UBXN2B: variants seen among roughly 807,000 people sequenced by gnomAD.
UBXN2B encodes UBX domain protein 2B.
A neutral mutation model predicts 37.5 loss-of-function variants in UBXN2B; 19 were observed. That is an observed-to-expected ratio of 0.51 (90% confidence interval 0.35 to 0.74). The LOEUF (loss-of-function observed/expected upper bound fraction) is 0.74. UBXN2B is among the 30% of genes least tolerant of loss of function. The pLI, the probability that UBXN2B is intolerant of heterozygous loss-of-function variation, is 0.01. For missense variants in UBXN2B, 370 were observed against 393.2 expected (o/e 0.94, Z 0.50); for synonymous variants, 145 against 143.8 (o/e 1.01, Z -0.06).
intron 6 of UBXN2B, 40 bp downstream of exon 6, chr8:58,439,810 T>C (rs1403926499): frequency 6.4e-7 from 1 of 1,558,340 alleles, no homozygotes; most frequent in African/African-American, 1.4e-5. Context: ...TTGTTGAACA[T>C]GAATTTTTCT....
At chr8:58,441,355 A>ATATATATATATATGTATGTGTATG (rs1808542334) in intron 6 of UBXN2B, among the ~76,000 whole-genome samples, 3 of 145,828 alleles carry the variant, frequency 2.1e-5, no homozygotes, top group Non-Finnish European at 4.5e-5. Context: ...CAACATATAT[A>ATATATATATATATGTATGTGTATG]TATATATATA....
At chr8:58,423,270 C>T (rs767630585) in intron 2 of UBXN2B, among the ~76,000 whole-genome samples, 5 of 152,100 alleles carry the variant, frequency 3.3e-5, no homozygotes, top group East Asian at 1.9e-4. Flanking sequence ...AGAGACTACA[C>T]GAAGAAGGAG....
chr8:58,426,263 G>A (rs1368919314), intron 2 of UBXN2B: 24 of 516,516 alleles, frequency 4.6e-5, no homozygotes, highest in Non-Finnish European at 8.0e-5. Flanking sequence ...CTGGAGTGCA[G>A]TGGCATGATC....
intron 3 of UBXN2B, 73 bp downstream of exon 3, chr8:58,430,742 A>T: frequency 8.5e-7 from 1 of 1,181,224 alleles, no homozygotes; most frequent in Non-Finnish European, 1.1e-6. Flanking sequence ...TATTATTTGC[A>T]AACATTGTTT....
chr8:58,426,905 C>G (rs1179727390), intron 2 of UBXN2B, among the ~76,000 whole-genome samples: 1 of 152,010 alleles, frequency 6.6e-6, no homozygotes, highest in East Asian at 1.9e-4. Flanking sequence ...TTTTTTTTCT[C>G]TGTCTTCTAA....
chr8:58,431,969 G>A (rs890679114), intron 3 of UBXN2B, among the ~76,000 whole-genome samples: 1 of 151,964 alleles, frequency 6.6e-6, no homozygotes, highest in African/African-American at 2.4e-5. Context: ...AGAATTCTTT[G>A]TATATTTTAA....
intron 1 of UBXN2B, among the ~76,000 whole-genome samples, 192 bp from the exon 2 acceptor site, chr8:58,416,658 T>G (rs1807790393): frequency 2.0e-5 from 3 of 152,216 alleles, no homozygotes; most frequent in Admixed American, 2.0e-4. Flanking sequence ...CTAATAGATG[T>G]GGCATTTTGG....
intron 6 of UBXN2B, among the ~76,000 whole-genome samples, chr8:58,442,722 G>A (rs1304765208): frequency 6.6e-6 from 1 of 152,218 alleles, no homozygotes; most frequent in Non-Finnish European, 1.5e-5. Flanking sequence ...CTAGAGTAGT[G>A]CCTAACAAAA....
At chr8:58,443,088 C>T (rs540242429) in intron 6 of UBXN2B, among the ~76,000 whole-genome samples, 1 of 152,320 alleles carries the variant, frequency 6.6e-6, no homozygotes, top group Admixed American at 6.5e-5. Flanking sequence ...GCAGGCAGTG[C>T]TGTGCCTCGC....
intron 5 of UBXN2B, among the ~76,000 whole-genome samples, chr8:58,438,553 G>A (rs973314319): frequency 6.6e-6 from 1 of 152,242 alleles, no homozygotes; most frequent in African/African-American, 2.4e-5. Flanking sequence ...TCAGACTTCT[G>A]TGGGGCCTGT....
chr8:58,418,821 A>G (rs562953392), intron 2 of UBXN2B, among the ~76,000 whole-genome samples: 1 of 152,236 alleles, frequency 6.6e-6, no homozygotes, highest in South Asian at 2.1e-4. Context: ...TTTAATTTGT[A>G]TATTCTCCCA....
chr8:58,412,564 G>A (rs905688845), intron 1 of UBXN2B, among the ~76,000 whole-genome samples: 8 of 152,220 alleles, frequency 5.3e-5, no homozygotes, highest in Non-Finnish European at 1.2e-4. Flanking sequence ...AATAGTTCCA[G>A]CTCCCATAGT....
intron 6 of UBXN2B, among the ~76,000 whole-genome samples, chr8:58,443,558 C>T (rs1347117583): frequency 2.7e-5 from 4 of 150,398 alleles, no homozygotes; most frequent in East Asian, 1.9e-4. Context: ...TTTGGGAGGC[C>T]GAGGCAGGCA....
intron 2 of UBXN2B, chr8:58,425,256 A>C: frequency 8.9e-7 from 1 of 1,120,768 alleles, no homozygotes; most frequent in Admixed American, 1.7e-5. Flanking sequence ...CATACTCATC[A>C]GGCCAGTATT....
At chr8:58,445,757 T>C (rs1808650964) in intron 6 of UBXN2B, 150 bp from the exon 7 acceptor site, 6 of 639,758 alleles carry the variant, frequency 9.4e-6, no homozygotes, top group Non-Finnish European at 1.2e-5. Context: ...CAAATAAGAA[T>C]CGTAGGATCC....
rs1419680361 is a variant in UBXN2B at position 58,450,410 on chromosome 8, CACTATG to C, written c.*2860_*2865del. The C allele has an allele frequency of 4.6e-5, 7 of 152,196 alleles. No homozygotes were observed. The highest frequency in any genetic ancestry group is 2.4e-5 in the African/African-American group (1 of 41,452). 9.4% of individuals were successfully genotyped at this position (152,196 alleles called of 1,614,324 possible). A position where few individuals can be genotyped will look rare whatever the true frequency, so the allele number is the denominator to read the frequency against. On this transcript the variant is annotated 3_prime_UTR_variant, in exon 8 of 8. Transcript: ENST00000399598. ...GACACAACTCAGCTTAGCTTTTCGC[CACTATG>C]TAACAAGGACTCCTTTCCTCCACTT...
At chr8:58,444,627 C>CA (rs1008130665) in intron 6 of UBXN2B, among the ~76,000 whole-genome samples, 98 of 152,290 alleles carry the variant, frequency 6.4e-4, no homozygotes, top group African/African-American at 2.3e-3. Flanking sequence ...CTTGGATTTT[C>CA]ATCCCCCTCC....
chr8:58,444,086 G>A (rs1484660285), intron 6 of UBXN2B, among the ~76,000 whole-genome samples: 1 of 152,034 alleles, frequency 6.6e-6, no homozygotes, highest in East Asian at 1.9e-4. Flanking sequence ...TCCATTTTCT[G>A]TTTTGAGAAA....
At position 58,413,117 on chromosome 8, in the gene UBXN2B, C is replaced by G. The variant is rs372390761; in HGVS notation, c.84+1648C>G. Among the ~76,000 whole-genome samples, 15 of 152,270 alleles carry G rather than the reference C, an allele frequency of 9.9e-5. 1 individual carries two copies. The highest frequency in any genetic ancestry group is 3.1e-4 in the African/African-American group (13 of 41,546). On this transcript the variant is annotated intron_variant, in intron 1 of 7. Transcript: ENST00000399598. Reference sequence around the variant, plus strand: ...AGTACGATTAATGTTTGGAGATACTCTGGTAGATGTTGCTAATTGTGAGAA... The same window carrying G: ...AGTACGATTAATGTTTGGAGATACTGTGGTAGATGTTGCTAATTGTGAGAA...
Sources: gnomAD v4.1 joint callset for allele counts (sites outside exome capture counted in the v4.1 genomes callset) on GRCh38, gnomAD v4.1.1 for gene constraint, MANE v1.5 for transcripts, NCBI Gene and HGNC (gene_info 2026-07-23, HGNC 2026-07-21) for gene names.